HSD11B1: variants seen among roughly 807,000 people sequenced by gnomAD.
The protein encoded by HSD11B1 is 11-beta-hydroxysteroid dehydrogenase 1.
Under a neutral mutation model 22.1 loss-of-function variants are expected in HSD11B1, and 15 were observed. The observed-to-expected ratio is 0.68, with a 90% CI of 0.45 to 1.04. HSD11B1 has a LOEUF of 1.04. Among genes scored for constraint, HSD11B1 ranks in the 50% least tolerant of loss-of-function variants. HSD11B1 has a pLI of 0.00. For synonymous variants in HSD11B1, 122 were observed against 125.2 expected (o/e 0.97, Z 0.17); for missense variants, 281 against 357.6 (o/e 0.79, Z 1.73).
chr1:209,712,599 C>T (rs2076904869), intron 4 of HSD11B1, among the ~76,000 whole-genome samples: 1 of 152,116 alleles, frequency 6.6e-6, no homozygotes, highest in South Asian at 2.1e-4. Flanking sequence ...TGGAACCAAT[C>T]CCCCTTTGAA....
chr1:209,707,184 T>C, intron 4 of HSD11B1, 56 bp downstream of exon 4: 1 of 1,386,340 alleles, frequency 7.2e-7, no homozygotes, highest in Admixed American at 1.7e-5. Context: ...ATGCCAGGGA[T>C]GATGCCAGGC....
At chr1:209,716,020 G>T (rs553827854) in intron 4 of HSD11B1, among the ~76,000 whole-genome samples, 234 of 152,216 alleles carry the variant, frequency 1.5e-3, no homozygotes, top group Non-Finnish European at 2.6e-3. Flanking sequence ...TCTAATAATT[G>T]GAACTAAACA....
intron 4 of HSD11B1, among the ~76,000 whole-genome samples, chr1:209,721,997 G>A (rs1457538820): frequency 2.6e-5 from 4 of 152,148 alleles, no homozygotes; most frequent in African/African-American, 4.8e-5. Context: ...CCTGAGCGTC[G>A]GTGGATATAG....
rs1012006494 is a variant in HSD11B1, at chr1:209,734,521, G to A, written c.879G>A (p.Ter293=). The A allele has an allele frequency of 6.2e-7, 1 of 1,608,834 alleles. No homozygotes were observed. The highest frequency in any genetic ancestry group is 1.3e-5 in the African/African-American group (1 of 74,938). ...ATATGGACAGATTCATAAACAAGTAGGAACTCCCTGAGGGCTGGGCATGCT... is the reference window on the plus strand; with the variant it reads ...ATATGGACAGATTCATAAACAAGTAAGAACTCCCTGAGGGCTGGGCATGCT... ...SYNMDRFINK[*] Residue 293 remains the stop codon, a stop_retained_variant, in exon 6 of 6, where the codon TAG becomes TAA. Transcript: ENST00000367027.
intron 4 of HSD11B1, among the ~76,000 whole-genome samples, chr1:209,722,100 C>G (rs983824145): frequency 8.5e-5 from 13 of 152,220 alleles, no homozygotes; most frequent in African/African-American, 2.9e-4. Context: ...TTGGGCCCAC[C>G]CTTCAACTGT....
intron 5 of HSD11B1, 88 bp downstream of exon 5, chr1:209,732,667 T>C: frequency 1.8e-6 from 2 of 1,089,006 alleles, no homozygotes; most frequent in South Asian, 1.2e-5. Context: ...GTTACATATG[T>C]ATGCATGTGC....
intron 4 of HSD11B1, among the ~76,000 whole-genome samples, chr1:209,720,818 T>C (rs1420863232): frequency 1.3e-5 from 2 of 152,106 alleles, no homozygotes; most frequent in Non-Finnish European, 2.9e-5. Flanking sequence ...CTGGGTTGAA[T>C]AGTGGCCCCA....
At chr1:209,726,067 G>A (rs1332738407) in intron 4 of HSD11B1, among the ~76,000 whole-genome samples, 2 of 151,904 alleles carry the variant, frequency 1.3e-5, no homozygotes, top group African/African-American at 4.8e-5. Flanking sequence ...CGGATCACGA[G>A]GTCAAGAGAT....
intron 1 of HSD11B1, among the ~76,000 whole-genome samples, chr1:209,699,318 CA>C (rs1292331287): frequency 6.6e-6 from 1 of 152,040 alleles, no homozygotes; most frequent in African/African-American, 2.4e-5. Context: ...AAACTGGGAA[CA>C]AAAGAGGTTT....
chr1:209,687,182 CGAT>C (rs1456484451), intron 1 of HSD11B1, among the ~76,000 whole-genome samples: 1 of 152,206 alleles, frequency 6.6e-6, no homozygotes, highest in African/African-American at 2.4e-5. Flanking sequence ...CTACAGACGA[CGAT>C]GATGTGTTTT....
At chr1:209,729,218 G>A (rs1433871080) in intron 4 of HSD11B1, among the ~76,000 whole-genome samples, 1 of 152,000 alleles carries the variant, frequency 6.6e-6, no homozygotes, top group African/African-American at 2.4e-5. Flanking sequence ...AATTAGCCAG[G>A]TTTGGTAGCT....
intron 4 of HSD11B1, among the ~76,000 whole-genome samples, chr1:209,725,977 G>A (rs1173115287): frequency 6.6e-6 from 1 of 152,028 alleles, no homozygotes; most frequent in Non-Finnish European, 1.5e-5. Context: ...TCACAATAAA[G>A]GCTAATCGTT....
chr1:209,708,261 C>A (rs2076873223), intron 4 of HSD11B1, among the ~76,000 whole-genome samples: 1 of 152,180 alleles, frequency 6.6e-6, no homozygotes, highest in African/African-American at 2.4e-5. Context: ...ACACCAGGAT[C>A]AAAATCCGCC....
At chr1:209,699,425 A>T (rs754518061) in intron 1 of HSD11B1, among the ~76,000 whole-genome samples, 1 of 152,156 alleles carries the variant, frequency 6.6e-6, no homozygotes, top group Admixed American at 6.5e-5. Flanking sequence ...GTAAAATGAG[A>T]AAGAAGCAAA....
chr1:209,716,693 G>A (rs1246330940), intron 4 of HSD11B1, among the ~76,000 whole-genome samples: 1 of 152,112 alleles, frequency 6.6e-6, no homozygotes, highest in East Asian at 1.9e-4. Flanking sequence ...AAAACAGCAT[G>A]GTATTGGTAG....
intron 5 of HSD11B1, among the ~76,000 whole-genome samples, chr1:209,733,352 C>G (rs2077047512): frequency 6.6e-6 from 1 of 152,162 alleles, no homozygotes; most frequent in African/African-American, 2.4e-5. Flanking sequence ...AACATTTGGT[C>G]AGTATTCTTC....
intron 4 of HSD11B1, 107 bp downstream of exon 4, chr1:209,707,235 A>C: frequency 1.1e-6 from 1 of 948,428 alleles, no homozygotes; most frequent in Non-Finnish European, 1.7e-6. Flanking sequence ...CCATGCAGAG[A>C]AGTAATGAGG....
intron 4 of HSD11B1, among the ~76,000 whole-genome samples, chr1:209,725,567 C>T (rs2076995556): frequency 6.6e-6 from 1 of 152,208 alleles, no homozygotes; most frequent in African/African-American, 2.4e-5. Context: ...TCAGTGACTG[C>T]TCACCCAGCT....
intron 1 of HSD11B1, among the ~76,000 whole-genome samples, chr1:209,705,541 T>C (rs541440107): frequency 1.3e-5 from 2 of 152,268 alleles, no homozygotes; most frequent in South Asian, 2.1e-4. Context: ...AGCTGAACCA[T>C]GACTTTTCTG....
Sources: allele counts gnomAD v4.1 joint callset (sites outside exome capture counted in the v4.1 genomes callset), GRCh38; gene constraint gnomAD v4.1.1; transcripts MANE v1.5; gene names NCBI Gene and HGNC (gene_info 2026-07-23, HGNC 2026-07-21).